The following LOC128092252 variants were observed in gnomAD, a reference collection of about 807,000 sequenced individuals.
the LOC128092252 span, among the ~76,000 whole-genome samples, chr15:50,680,458 A>T: frequency 2.6e-5 from 4 of 151,816 alleles, no homozygotes; most frequent in African/African-American, 9.7e-5. Context: ...AACCTCAGCT[A>T]CTTGGGAAGC....
At chr15:50,680,556 G>C in the LOC128092252 span, among the ~76,000 whole-genome samples, 2 of 149,336 alleles carry the variant, frequency 1.3e-5, no homozygotes, top group African/African-American at 5.0e-5. Context: ...TTGACAGAGA[G>C]AGACACTTGT....
the LOC128092252 span, among the ~76,000 whole-genome samples, chr15:50,650,650 G>T: frequency 6.6e-6 from 1 of 151,912 alleles, no homozygotes; most frequent in Non-Finnish European, 1.5e-5. Flanking sequence ...AGCCGAGATC[G>T]TGCCACTGCA....
the LOC128092252 span, among the ~76,000 whole-genome samples, chr15:50,681,187 G>A: frequency 3.9e-5 from 6 of 151,948 alleles, no homozygotes; most frequent in East Asian, 1.2e-3. Context: ...GGAGGCAGAG[G>A]TTGCAGTGAG....
the LOC128092252 span, among the ~76,000 whole-genome samples, chr15:50,684,396 C>A: frequency 6.6e-6 from 1 of 152,116 alleles, no homozygotes; most frequent in South Asian, 2.1e-4. Context: ...AATCCCAACA[C>A]TTTGGGAGGT....
the LOC128092252 span, among the ~76,000 whole-genome samples, chr15:50,664,308 CAAAAAAA>C: frequency 3.4e-5 from 2 of 58,926 alleles, no homozygotes; most frequent in South Asian, 6.0e-4. Context: ...GACTCCGTCT[CAAAAAAA>C]AAAAAAAAAA....
At chr15:50,648,967 C>A in the LOC128092252 span, 1 of 1,011,262 alleles carries the variant, frequency 9.9e-7, no homozygotes, top group Non-Finnish European at 1.4e-6. Context: ...AATGAACCGA[C>A]AAATATAAGC....
chr15:50,682,300 C>T, the LOC128092252 span, among the ~76,000 whole-genome samples: 3 of 151,608 alleles, frequency 2.0e-5, no homozygotes, highest in Non-Finnish European at 4.4e-5. Context: ...TCTAAAACCC[C>T]TACGTGGACA....
the LOC128092252 span, chr15:50,686,385 A>G: frequency 1.9e-5 from 26 of 1,369,120 alleles, 1 homozygote; most frequent in African/African-American, 3.6e-4. Context: ...ACCCGTCCCG[A>G]GAGGACAAAT....
At chr15:50,651,621 C>CA in the LOC128092252 span, among the ~76,000 whole-genome samples, 1 of 152,050 alleles carries the variant, frequency 6.6e-6, no homozygotes, top group African/African-American at 2.4e-5. Flanking sequence ...CATAGTAAGA[C>CA]TCTGTCTCTA....
chr15:50,665,057 T>C, the LOC128092252 span, among the ~76,000 whole-genome samples: 1 of 152,286 alleles, frequency 6.6e-6, no homozygotes, highest in Non-Finnish European at 1.5e-5. Context: ...TTTCTGTATA[T>C]TAGAAACAGA....
At chr15:50,668,496 A>G in the LOC128092252 span, among the ~76,000 whole-genome samples, 1 of 151,948 alleles carries the variant, frequency 6.6e-6, no homozygotes, top group Non-Finnish European at 1.5e-5. Flanking sequence ...ACTTATGGCA[A>G]TAGATTTGTT....
At chr15:50,662,958 T>TGG in the LOC128092252 span, 56 of 1,602,118 alleles carry the variant, frequency 3.5e-5, no homozygotes, top group Non-Finnish European at 4.7e-5. Context: ...GTAACAAAGG[T>TGG]GTGCTTACCT....
the LOC128092252 span, among the ~76,000 whole-genome samples, chr15:50,663,706 C>T: frequency 6.6e-6 from 1 of 152,138 alleles, no homozygotes; most frequent in Admixed American, 6.5e-5. Context: ...TAGCTCACAC[C>T]TGTAATCTCA....
chr15:50,669,640 G>T, the LOC128092252 span, among the ~76,000 whole-genome samples: 1 of 152,140 alleles, frequency 6.6e-6, no homozygotes, highest in East Asian at 1.9e-4. Flanking sequence ...GGACACTGGA[G>T]TGAGAAAAAA....
the LOC128092252 span, among the ~76,000 whole-genome samples, chr15:50,677,996 T>C: frequency 3.2e-4 from 49 of 151,650 alleles, no homozygotes; most frequent in Admixed American, 1.4e-3. Flanking sequence ...TCCCAGCACT[T>C]TGGGAGGCCG....
At chr15:50,682,786 C>A in the LOC128092252 span, among the ~76,000 whole-genome samples, 1 of 152,104 alleles carries the variant, frequency 6.6e-6, no homozygotes, top group East Asian at 1.9e-4. Flanking sequence ...TGACACCCAT[C>A]TTAAGTTCTT....
the LOC128092252 span, among the ~76,000 whole-genome samples, chr15:50,683,322 A>G: frequency 6.6e-6 from 1 of 152,162 alleles, no homozygotes; most frequent in Non-Finnish European, 1.5e-5. Flanking sequence ...TAATAGATCA[A>G]TGACAAAAAC....
At chr15:50,660,624 T>A in the LOC128092252 span, among the ~76,000 whole-genome samples, 1 of 152,310 alleles carries the variant, frequency 6.6e-6, no homozygotes, top group East Asian at 1.9e-4. Flanking sequence ...GTGCTGGAAT[T>A]ACAGGCATGA....
the LOC128092252 span, among the ~76,000 whole-genome samples, chr15:50,664,155 G>A: frequency 3.3e-5 from 5 of 151,524 alleles, no homozygotes; most frequent in African/African-American, 1.2e-4. Context: ...AAAATTAGCT[G>A]GGTGTGGTGG....
Sources: allele counts gnomAD v4.1 joint callset (sites outside exome capture counted in the v4.1 genomes callset), GRCh38; gene constraint gnomAD v4.1.1; transcripts MANE v1.5.